Variants in IL1RAPL1 observed in about 807,000 individuals in gnomAD.
IL1RAPL1 encodes interleukin 1 receptor accessory protein like 1, also known as interleukin-1 receptor accessory protein-like 1.
Under a neutral mutation model 48.4 loss-of-function variants are expected in IL1RAPL1, and 3 were observed. The ratio of observed to expected loss-of-function variants is 0.06; its 90% CI spans 0.03 to 0.16. The LOEUF (loss-of-function observed/expected upper bound fraction) is 0.16, where lower values mean the gene tolerates loss of function less well. Among genes scored for constraint, IL1RAPL1 ranks in the 10% least tolerant of loss-of-function variants. IL1RAPL1 has a pLI of 1.00. For missense variants in IL1RAPL1, 349 were observed against 530.6 expected (o/e 0.66, Z 3.36); for synonymous variants, 185 against 187.7 (o/e 0.99, Z 0.12).
chrX:28,820,354 G>T (rs1023638792), intron 2 of IL1RAPL1, among the ~76,000 whole-genome samples: 5 of 110,007 alleles, frequency 4.5e-5, no homozygotes, highest in Middle Eastern at 4.3e-3. Flanking sequence ...ACTGATGTCT[G>T]TGACGATGAA....
intron 6 of IL1RAPL1, among the ~76,000 whole-genome samples, chrX:29,821,841 A>G (rs181502419): frequency 3.6e-5 from 4 of 112,375 alleles, no homozygotes; most frequent in South Asian, 7.4e-4. Context: ...TCAGCTTTCT[A>G]TTGAATTTTA....
At chrX:29,246,547 C>T (rs1357583139) in intron 2 of IL1RAPL1, among the ~76,000 whole-genome samples, 1 of 111,276 alleles carries the variant, frequency 9.0e-6, no homozygotes, top group Non-Finnish European at 1.9e-5. Flanking sequence ...GTTTCCCTCC[C>T]TTTTACTTTC....
chrX:29,244,923 C>T (rs753051118), intron 2 of IL1RAPL1, among the ~76,000 whole-genome samples: 1 of 110,572 alleles, frequency 9.0e-6, no homozygotes, highest in South Asian at 4.0e-4. Flanking sequence ...TATCTCTCCC[C>T]TAGCCCCCCA....
chrX:29,701,689 G>A (rs910564693), intron 6 of IL1RAPL1, among the ~76,000 whole-genome samples: 2 of 111,447 alleles, frequency 1.8e-5, no homozygotes, highest in Non-Finnish European at 3.8e-5. Flanking sequence ...CAGGTGGGGT[G>A]AGGCAGACCT....
intron 1 of IL1RAPL1, among the ~76,000 whole-genome samples, chrX:28,727,807 A>G (rs1486242769): frequency 9.0e-6 from 1 of 111,156 alleles, no homozygotes; most frequent in Non-Finnish European, 1.9e-5. Flanking sequence ...ATTCTCAGTA[A>G]ACTATCGCAA....
rs868846867 is a variant in IL1RAPL1 at position 28,794,291 on chromosome X, C to G, written c.82+4866C>G. On this transcript the variant is annotated intron_variant, in intron 2 of 10. Coordinates refer to ENST00000378993, the MANE Select transcript of IL1RAPL1 (RefSeq NM_014271.4). ...TTAAAGGGTAAGGAAAATGATTCTTCGAGTATTTTTCTATTGGAATTCTAC... is the reference window on the plus strand; with the variant it reads ...TTAAAGGGTAAGGAAAATGATTCTTGGAGTATTTTTCTATTGGAATTCTAC... 3.6e-5 allele frequency among the ~76,000 whole-genome samples: 4 copies of G among 110,618 alleles called. No individual in the cohort carries two copies. In the Admixed American group the frequency reaches 3.9e-4, roughly 11 times the overall value.
intron 2 of IL1RAPL1, among the ~76,000 whole-genome samples, chrX:29,024,252 T>C (rs1926434474): frequency 8.9e-6 from 1 of 111,951 alleles, no homozygotes; most frequent in Non-Finnish European, 1.9e-5. Flanking sequence ...TATTTTACTT[T>C]GAAAGATGTC....
chrX:29,110,239 GA>G (rs1928534425), intron 2 of IL1RAPL1, among the ~76,000 whole-genome samples: 2 of 111,964 alleles, frequency 1.8e-5, no homozygotes, highest in South Asian at 7.4e-4. Context: ...TGAGGTTAAA[GA>G]AAAATGTGAC....
At chrX:28,753,160 G>T (rs1175962898) in intron 1 of IL1RAPL1, among the ~76,000 whole-genome samples, 2 of 111,502 alleles carry the variant, frequency 1.8e-5, no homozygotes, top group African/African-American at 3.3e-5. Flanking sequence ...CAGCAGCATG[G>T]AATATTTGCA....
intron 2 of IL1RAPL1, among the ~76,000 whole-genome samples, chrX:28,980,816 C>T (rs746901340): frequency 1.1e-4 from 12 of 109,539 alleles, no homozygotes; most frequent in Non-Finnish European, 2.1e-4. Context: ...AGGTCAGACA[C>T]GGTTGCTCAC....
chrX:28,744,175 C>T (rs1444789824), intron 1 of IL1RAPL1, among the ~76,000 whole-genome samples: 3 of 111,157 alleles, frequency 2.7e-5, no homozygotes, highest in East Asian at 5.6e-4. Context: ...CTATGCTATA[C>T]GTTCCTGAAG....
intron 5 of IL1RAPL1, among the ~76,000 whole-genome samples, chrX:29,569,772 T>C (rs186659557): frequency 1.8e-5 from 2 of 112,075 alleles, no homozygotes; most frequent in Non-Finnish European, 3.8e-5. Flanking sequence ...AATGGAAACA[T>C]GTTAAGATTT....
intron 2 of IL1RAPL1, among the ~76,000 whole-genome samples, chrX:29,145,841 A>G (rs910507370): frequency 8.9e-6 from 1 of 111,795 alleles, no homozygotes; most frequent in Non-Finnish European, 1.9e-5. Flanking sequence ...AGAAAATCCT[A>G]TTGTCTGTAC....
At chrX:28,708,210 T>A (rs1935398795) in intron 1 of IL1RAPL1, among the ~76,000 whole-genome samples, 1 of 111,288 alleles carries the variant, frequency 9.0e-6, no homozygotes, top group Non-Finnish European at 1.9e-5. Context: ...ACTCTAGCAG[T>A]GAATAATTTT....
At chrX:28,812,826 G>T (rs1251954064) in intron 2 of IL1RAPL1, among the ~76,000 whole-genome samples, 2 of 110,387 alleles carry the variant, frequency 1.8e-5, no homozygotes, top group African/African-American at 6.6e-5. Context: ...GTTAAACGCT[G>T]TCTCCTCAGG....
At chrX:29,625,567 A>G (rs1924594568) in intron 5 of IL1RAPL1, among the ~76,000 whole-genome samples, 1 of 111,766 alleles carries the variant, frequency 8.9e-6, no homozygotes, top group Non-Finnish European at 1.9e-5. Flanking sequence ...ACAATTCTAT[A>G]TTTCTGTGAG....
At chrX:28,752,236 G>A (rs769434731) in intron 1 of IL1RAPL1, among the ~76,000 whole-genome samples, 8 of 110,149 alleles carry the variant, frequency 7.3e-5, no homozygotes, top group South Asian at 7.7e-4. Context: ...GTTTATTTGC[G>A]CAACTTATGT....
At chrX:29,713,585 A>C (rs950063526) in intron 6 of IL1RAPL1, among the ~76,000 whole-genome samples, 1 of 111,326 alleles carries the variant, frequency 9.0e-6, no homozygotes, top group Non-Finnish European at 1.9e-5. Context: ...TCAAAAACTC[A>C]GTGTTGGCGG....
intron 1 of IL1RAPL1, among the ~76,000 whole-genome samples, chrX:28,722,792 T>A (rs1277739834): frequency 2.7e-5 from 3 of 111,821 alleles, no homozygotes; most frequent in Non-Finnish European, 5.6e-5. Context: ...ATTGAGTGTT[T>A]TTAGCATGAA....
Sources: allele counts gnomAD v4.1 joint callset (sites outside exome capture counted in the v4.1 genomes callset), GRCh38; gene constraint gnomAD v4.1.1; transcripts MANE v1.5; gene names NCBI Gene and HGNC (gene_info 2026-07-23, HGNC 2026-07-21).